The following PLD5 variants were observed in gnomAD, a reference collection of about 807,000 sequenced individuals.
PLD5 encodes phospholipase D family member 5, also known as inactive phospholipase D5.
PLD5 carries 36 observed loss-of-function variants against 61.1 expected under a neutral mutation model. The observed-to-expected ratio is 0.59, with a 90% CI of 0.45 to 0.78. PLD5 has a LOEUF of 0.78. PLD5 is among the 30% of genes least tolerant of loss of function. The probability of loss-of-function intolerance (pLI) is 0.00; values close to 1 mark genes in which losing one functional copy is unlikely to be tolerated. For synonymous variants in PLD5, 243 were observed against 242.8 expected (o/e 1.00, Z -0.01); for missense variants, 515 against 644.4 (o/e 0.80, Z 2.17).
intron 1 of PLD5, among the ~76,000 whole-genome samples, chr1:242,402,073 C>G (rs988034973): frequency 5.9e-5 from 9 of 152,238 alleles, no homozygotes; most frequent in Non-Finnish European, 1.3e-4. Flanking sequence ...GCACTCTCCC[C>G]TGCTATCAGT....
At position 242,247,713 on chromosome 1, in the gene PLD5, CAGGCTGGGGGGCTTGGGATTTT is replaced by C. The variant is rs1468455942; in HGVS notation, c.607+17602_607+17623del. Among the ~76,000 whole-genome samples the C allele has an allele frequency of 3.3e-5, 5 of 152,326 alleles. No individual in the cohort carries two copies. The South Asian group carries it at 8.3e-4, about 25-fold the overall frequency. ...CTTGGCTAAGAGGGGCTCCGTTCAGCAGGCTGGGGGGCTTGGGATTTTACTTCTAGTTTACAGTGGCTATTCT... is the reference window on the plus strand; with the variant it reads ...CTTGGCTAAGAGGGGCTCCGTTCAGCACTTCTAGTTTACAGTGGCTATTCT... On this transcript the variant is annotated intron_variant, in intron 4 of 9. Transcript: ENST00000536534.
chr1:242,198,883 T>C (rs1043323182), intron 5 of PLD5, among the ~76,000 whole-genome samples: 5 of 151,596 alleles, frequency 3.3e-5, no homozygotes, highest in East Asian at 2.0e-4. Context: ...TACAGGCATG[T>C]GCCACCACGC....
At chr1:242,323,325 A>G (rs1243851247) in intron 2 of PLD5, among the ~76,000 whole-genome samples, 6 of 152,180 alleles carry the variant, frequency 3.9e-5, no homozygotes, top group Admixed American at 2.6e-4. Flanking sequence ...GGTGATTTAT[A>G]TCCTCAGTTA....
chr1:242,527,975 T>G (rs1042015313), upstream of PLD5, among the ~76,000 whole-genome samples: 13 of 152,258 alleles, frequency 8.5e-5, no homozygotes, highest in African/African-American at 2.9e-4. Context: ...TCTTGGGAGC[T>G]GGAGCCACTC....
intron 7 of PLD5, among the ~76,000 whole-genome samples, chr1:242,110,956 A>G (rs12130009): frequency 0.069 from 10,571 of 152,316 alleles, 476 homozygotes; most frequent in Middle Eastern, 0.18. Context: ...TGACTGAAGA[A>G]ATAAATAATG....
At chr1:242,293,438 TA>T (rs1407863562) in intron 2 of PLD5, among the ~76,000 whole-genome samples, 1 of 152,206 alleles carries the variant, frequency 6.6e-6, no homozygotes, top group Non-Finnish European at 1.5e-5. Flanking sequence ...ACATAACTTT[TA>T]TTATAGTATA....
intron 2 of PLD5, among the ~76,000 whole-genome samples, chr1:242,300,581 G>A (rs74767008): frequency 4.3e-4 from 66 of 152,166 alleles, no homozygotes; most frequent in Middle Eastern, 3.4e-3. Context: ...TTGGGGGGAC[G>A]GCAAAGGGGT....
intron 1 of PLD5, among the ~76,000 whole-genome samples, chr1:242,451,208 T>C (rs1666764402): frequency 6.6e-6 from 1 of 152,076 alleles, no homozygotes; most frequent in African/African-American, 2.4e-5. Context: ...CAATGAAGCG[T>C]CTCCCTTTCT....
chr1:242,230,848 A>G (rs1177546089), intron 4 of PLD5, among the ~76,000 whole-genome samples: 1 of 152,228 alleles, frequency 6.6e-6, no homozygotes, highest in African/African-American at 2.4e-5. Flanking sequence ...GTTTGGACCT[A>G]CAAGGGTGGT....
chr1:242,508,508 C>T (rs1035373908), intron 1 of PLD5, among the ~76,000 whole-genome samples: 1 of 152,196 alleles, frequency 6.6e-6, no homozygotes, highest in Non-Finnish European at 1.5e-5. Flanking sequence ...GTACTTCCGA[C>T]AAGCACATCC....
intron 4 of PLD5, among the ~76,000 whole-genome samples, chr1:242,262,075 A>G (rs1451555737): frequency 1.3e-5 from 2 of 152,246 alleles, no homozygotes; most frequent in Admixed American, 1.3e-4. Context: ...GGAAAAACCC[A>G]AACATCTATC....
At position 242,124,311 on chromosome 1, in the gene PLD5, G is replaced by T. The variant is rs567232091; in HGVS notation, c.933+157C>A. The T allele has an allele frequency of 1.6e-5, 10 of 608,014 alleles. No individual in the cohort carries two copies. In the East Asian group the frequency reaches 2.5e-4, roughly 15 times the overall value. 37.7% of individuals were successfully genotyped at this position (608,014 alleles called of 1,614,324 possible). A position where few individuals can be genotyped will look rare whatever the true frequency, so the allele number is the denominator to read the frequency against. ...ATTTATTATATTTGAGGGTATGATTGCGTGTAAGGGTGGACGCATTTTAAC... is the reference window on the plus strand; with the variant it reads ...ATTTATTATATTTGAGGGTATGATTTCGTGTAAGGGTGGACGCATTTTAAC... On this transcript the variant is annotated intron_variant, in intron 6 of 9. Coordinates refer to ENST00000536534, the MANE Select transcript of PLD5 (RefSeq NM_001372062.1).
intron 8 of PLD5, among the ~76,000 whole-genome samples, chr1:242,105,161 T>C (rs1660947539): frequency 6.6e-6 from 1 of 151,966 alleles, no homozygotes; most frequent in African/African-American, 2.4e-5. Context: ...CCACTGAACC[T>C]TTGGCTTATA....
chr1:242,373,266 G>C (rs1661745372), intron 1 of PLD5, among the ~76,000 whole-genome samples: 1 of 152,172 alleles, frequency 6.6e-6, no homozygotes, highest in African/African-American at 2.4e-5. Context: ...TCTCATACCA[G>C]TTAGAATGGC....
intron 1 of PLD5, among the ~76,000 whole-genome samples, chr1:242,416,609 G>A (rs186300248): frequency 1.2e-4 from 19 of 152,222 alleles, no homozygotes; most frequent in Admixed American, 5.9e-4. Context: ...ATTTGAAGTC[G>A]TTACCTCACC....
intron 2 of PLD5, among the ~76,000 whole-genome samples, chr1:242,308,095 C>A (rs1353458240): frequency 1.3e-5 from 2 of 152,026 alleles, no homozygotes; most frequent in Non-Finnish European, 2.9e-5. Context: ...AAATAATGAG[C>A]AATAAACTTT....
chr1:242,125,592 A>G (rs1382931052), intron 5 of PLD5, among the ~76,000 whole-genome samples: 2 of 152,176 alleles, frequency 1.3e-5, no homozygotes, highest in African/African-American at 4.8e-5. Context: ...ACAATGTGAA[A>G]TTTTGGTCAT....
chr1:242,419,003 A>T (rs1664979567), intron 1 of PLD5, among the ~76,000 whole-genome samples: 1 of 141,558 alleles, frequency 7.1e-6, no homozygotes, highest in African/African-American at 3.2e-5. Context: ...TGTTCTTCTA[A>T]ATAAGTGGGA....
intron 4 of PLD5, among the ~76,000 whole-genome samples, chr1:242,224,141 T>C (rs1670780389): frequency 6.6e-6 from 1 of 152,214 alleles, no homozygotes; most frequent in Non-Finnish European, 1.5e-5. Context: ...TATTTCATAT[T>C]GTTGTGTTAG....
Sources: allele counts gnomAD v4.1 joint callset (sites outside exome capture counted in the v4.1 genomes callset), GRCh38; gene constraint gnomAD v4.1.1; transcripts MANE v1.5; gene names NCBI Gene and HGNC (gene_info 2026-07-23, HGNC 2026-07-21).